Variants in CHD2 observed in about 807,000 individuals in gnomAD.
The protein encoded by CHD2 is ATP-dependent chromatin remodeler CHD2.
A neutral mutation model predicts 243.9 loss-of-function variants in CHD2; 28 were observed. That is an observed-to-expected ratio of 0.11 (90% confidence interval 0.09 to 0.16). The LOEUF (loss-of-function observed/expected upper bound fraction) is 0.16, where lower values mean the gene tolerates loss of function less well. Among genes scored for constraint, CHD2 ranks in the 10% least tolerant of loss-of-function variants. The pLI, the probability that CHD2 is intolerant of heterozygous loss-of-function variation, is 1.00. For missense variants in CHD2, 1,386 were observed against 2,209.8 expected (o/e 0.63, Z 7.47); for synonymous variants, 775 against 779.0 (o/e 0.99, Z 0.09).
At chr15:92,915,297 CAG>C (rs1382632114) in intron 2 of CHD2, among the ~76,000 whole-genome samples, 1 of 150,810 alleles carries the variant, frequency 6.6e-6, no homozygotes, top group East Asian at 1.9e-4. Context: ...TTTTTTGAGA[CAG>C]AGTCTCGCTC....
intron 2 of CHD2, among the ~76,000 whole-genome samples, chr15:92,923,958 G>A (rs1305905757): frequency 6.6e-6 from 1 of 152,082 alleles, no homozygotes; most frequent in Non-Finnish European, 1.5e-5. Context: ...TATATATCTG[G>A]TTTCAAATCT....
intron 16 of CHD2, among the ~76,000 whole-genome samples, chr15:92,961,423 C>G (rs1010707756): frequency 2.6e-5 from 4 of 152,104 alleles, no homozygotes; most frequent in Non-Finnish European, 4.4e-5. Flanking sequence ...TTTTAAGAGA[C>G]ATGGTCTTTC....
Position 92,943,031 on chromosome 15 carries a change from G to A in CHD2, c.1015G>A (p.Glu339Lys), listed in dbSNP as rs771360010. 13 of 1,613,920 alleles carry A rather than the reference G, an allele frequency of 8.1e-6. No individual in the cohort carries two copies. The highest frequency in any genetic ancestry group is 1.1e-5 in the Non-Finnish European group (13 of 1,179,878). The change falls in exon 9 of 39, where the codon GAG (glutamate) becomes AAG (lysine). Residue 339 changes from glutamate to lysine, a missense_variant. Transcript: ENST00000394196. The part of the protein sequence containing the change: ...QQKVKGLKKL[E>K]NFKKKEDEIK... ...GAAAGTGAAGGGCCTAAAAAAACTA[G>A]AGAACTTCAAGAAAAAAGAGGACGA...
intron 5 of CHD2, among the ~76,000 whole-genome samples, chr15:92,935,535 T>G (rs1355676000): frequency 6.6e-6 from 1 of 152,232 alleles, no homozygotes; most frequent in Admixed American, 6.5e-5. Flanking sequence ...AATTAGAATT[T>G]ATTGGTGAAT....
At chr15:92,953,282 G>C (rs533154257) in intron 13 of CHD2, 75 bp from the exon 14 acceptor site, 1 of 1,192,894 alleles carries the variant, frequency 8.4e-7, no homozygotes, top group Non-Finnish European at 1.2e-6. Flanking sequence ...CATTGGTGTC[G>C]TTGCTGTTTA....
At position 93,014,921 on chromosome 15, in the gene CHD2, A is replaced by T. The variant is rs767377627; in HGVS notation, c.4906+12A>T. The T allele has an allele frequency of 2.5e-6, 4 of 1,607,858 alleles. No homozygotes were observed. The highest frequency in any genetic ancestry group is 3.4e-6 in the Non-Finnish European group (4 of 1,175,340). On this transcript the variant is annotated intron_variant, in intron 37 of 38. Coordinates refer to ENST00000394196, the MANE Select transcript of CHD2 (RefSeq NM_001271.4). Reference sequence around the variant, plus strand: ...CTTCAGTAATGCAGGTAGGTCATTAAGTGGAGTTTTTAAAAGAGGTGCCAA... The same window carrying T: ...CTTCAGTAATGCAGGTAGGTCATTATGTGGAGTTTTTAAAAGAGGTGCCAA...
intron 10 of CHD2, 78 bp from the exon 11 acceptor site, chr15:92,945,743 C>T: frequency 3.5e-6 from 3 of 858,048 alleles, no homozygotes; most frequent in Non-Finnish European, 3.5e-6. Context: ...AATATATTTA[C>T]ATTTTATTCA....
intron 20 of CHD2, among the ~76,000 whole-genome samples, chr15:92,976,972 C>T (rs1415042468): frequency 6.6e-6 from 1 of 151,666 alleles, no homozygotes; most frequent in East Asian, 1.9e-4. Context: ...ATTTAACTAC[C>T]TTACCGTTAG....
At chr15:92,904,972 C>T in intron 2 of CHD2, 1 of 1,535,962 alleles carries the variant, frequency 6.5e-7, no homozygotes, top group Non-Finnish European at 8.7e-7. Context: ...TGGTACCGTA[C>T]ATTTTCTCAG....
intron 5 of CHD2, among the ~76,000 whole-genome samples, chr15:92,930,434 T>C (rs538692723): frequency 6.6e-6 from 1 of 152,166 alleles, no homozygotes; most frequent in African/African-American, 2.4e-5. Context: ...GTCAGCCTTT[T>C]TGTTTTGTTT....
intron 16 of CHD2, among the ~76,000 whole-genome samples, chr15:92,958,168 T>G (rs4778061): frequency 6.6e-6 from 1 of 152,038 alleles, no homozygotes; most frequent in East Asian, 1.9e-4. Flanking sequence ...GTTTAACATT[T>G]TAGAAACTAC....
chr15:93,024,750 A>G lies in CHD2; in HGVS notation c.*45A>G, dbSNP rs753089444. ...AGAGTAAGAGTCACCAAACACGTGG[A>G]TATTTTTGGTCTGATCCTACAGTAG... On this transcript the variant is annotated 3_prime_UTR_variant, in exon 39 of 39. Transcript: ENST00000394196. 7.2e-6 allele frequency: 11 copies of G among 1,527,896 alleles called. No homozygotes were observed. The highest frequency in any genetic ancestry group is 1.4e-5 in the African/African-American group (1 of 72,210). The allele number at this position is 1,527,896 out of a possible 1,614,324, so 94.6% of individuals were successfully genotyped here.
chr15:92,970,231 C>T (rs1439186402), intron 17 of CHD2, among the ~76,000 whole-genome samples: 5 of 151,536 alleles, frequency 3.3e-5, no homozygotes, highest in Admixed American at 1.3e-4. Context: ...GATGGAGTTT[C>T]GCTCTTGTTG....
chr15:92,947,817 C>T (rs903742808), intron 12 of CHD2, among the ~76,000 whole-genome samples: 2 of 152,120 alleles, frequency 1.3e-5, no homozygotes, highest in African/African-American at 2.4e-5. Context: ...CAGCCGCCCT[C>T]ATAGAGAACT....
intron 2 of CHD2, among the ~76,000 whole-genome samples, chr15:92,912,335 C>A (rs1009789443): frequency 2.9e-4 from 44 of 152,004 alleles, no homozygotes; most frequent in African/African-American, 1.0e-3. Flanking sequence ...TCTGCCGTCT[C>A]GGGGAATAGT....
rs1429899382 is a variant in CHD2, at chr15:92,950,302, T to C, written c.1502+1226T>C. ...AAACTGTTATTTCTAACACTTGTTATTTATTCTTTAACAAAAAGGGAAACT... is the reference window on the plus strand; with the variant it reads ...AAACTGTTATTTCTAACACTTGTTACTTATTCTTTAACAAAAAGGGAAACT... On this transcript the variant is annotated intron_variant, in intron 13 of 38. Coordinates refer to ENST00000394196, the MANE Select transcript of CHD2 (RefSeq NM_001271.4). 4 of 152,240 alleles carry C rather than the reference T, an allele frequency of 2.6e-5. No individual in the cohort carries two copies. The East Asian group carries it at 7.7e-4, about 29-fold the overall frequency. 9.4% of individuals were successfully genotyped at this position (152,240 alleles called of 1,614,324 possible). A position where few individuals can be genotyped will look rare whatever the true frequency, so the allele number is the denominator to read the frequency against.
At position 92,928,637 on chromosome 15, in the gene CHD2, G is replaced by A. The variant is rs537548077; in HGVS notation, c.382-393G>A. On this transcript the variant is annotated intron_variant, in intron 4 of 38. Transcript: ENST00000394196. Reference sequence around the variant, plus strand: ...TACTCACATGTGGCTTTTAAAATTCGCATTAGTTAAAAATAAAACTTCCAT... The same window carrying A: ...TACTCACATGTGGCTTTTAAAATTCACATTAGTTAAAAATAAAACTTCCAT... 3.9e-5 allele frequency among the ~76,000 whole-genome samples: 6 copies of A among 152,248 alleles called. No individual in the cohort carries two copies. In the East Asian group the frequency reaches 7.7e-4, roughly 20 times the overall value.
intron 1 of CHD2, 107 bp from the exon 2 acceptor site, chr15:92,901,059 AC>A (rs1216230079): frequency 3.2e-6 from 2 of 615,976 alleles, no homozygotes; most frequent in Non-Finnish European, 5.8e-6. Context: ...TTTGGTGCTT[AC>A]CGTTGTTGTG....
intron 17 of CHD2, among the ~76,000 whole-genome samples, chr15:92,969,709 A>G (rs928423995): frequency 2.6e-5 from 4 of 152,224 alleles, no homozygotes; most frequent in African/African-American, 9.7e-5. Flanking sequence ...ATGCCATACT[A>G]AAAATCTCAC....
Sources: gnomAD v4.1 joint callset for allele counts (sites outside exome capture counted in the v4.1 genomes callset) on GRCh38, gnomAD v4.1.1 for gene constraint, MANE v1.5 for transcripts, NCBI Gene and HGNC (gene_info 2026-07-23, HGNC 2026-07-21) for gene names.